The following CSMD1 variants were observed in gnomAD, a reference collection of about 807,000 sequenced individuals.
CSMD1 encodes the protein CUB and Sushi multiple domains 1.
In CSMD1, 213 loss-of-function variants were observed where a neutral mutation model predicts 417.5. The observed-to-expected ratio is 0.51, with a 90% confidence interval of 0.46 to 0.57. The LOEUF is 0.57. Ranked by LOEUF, CSMD1 falls within the 20% of genes least tolerant of loss-of-function variation. The pLI is 0.00. For synonymous variants in CSMD1, 2,862 were observed against 1,736.8 expected (o/e 1.65, Z -16.11); for missense variants, 6,923 against 4,529.7 (o/e 1.53, Z -15.17).
intron 25 of CSMD1, among the ~76,000 whole-genome samples, chr8:3,298,841 G>A (rs965173039): frequency 6.6e-6 from 1 of 152,176 alleles, no homozygotes; most frequent in Non-Finnish European, 1.5e-5. Context: ...TTTGAATAGA[G>A]CTCAAAGGTC....
chr8:4,812,429 G>A (rs1462817064), intron 1 of CSMD1, among the ~76,000 whole-genome samples: 8 of 152,116 alleles, frequency 5.3e-5, no homozygotes, highest in Admixed American at 3.9e-4. Flanking sequence ...CAATTTCTAA[G>A]TAGGTAAAAA....
intron 11 of CSMD1, among the ~76,000 whole-genome samples, chr8:3,473,833 A>G (rs2117209899): frequency 6.6e-6 from 1 of 152,320 alleles, no homozygotes; most frequent in South Asian, 2.1e-4. Context: ...AAGGAGATTT[A>G]ACTGACTCGT....
intron 2 of CSMD1, among the ~76,000 whole-genome samples, chr8:4,514,487 G>A (rs979541916): frequency 7.9e-5 from 12 of 152,078 alleles, no homozygotes; most frequent in Non-Finnish European, 1.3e-4. Flanking sequence ...TCCAGGTGAC[G>A]CACACATGGG....
intron 1 of CSMD1, among the ~76,000 whole-genome samples, chr8:4,745,301 A>G (rs1444259402): frequency 6.6e-6 from 1 of 152,174 alleles, no homozygotes; most frequent in Non-Finnish European, 1.5e-5. Context: ...TTGCAGCCTA[A>G]TGGATTACAC....
At chr8:4,278,684 G>C (rs963082192) in intron 3 of CSMD1, among the ~76,000 whole-genome samples, 3 of 152,094 alleles carry the variant, frequency 2.0e-5, no homozygotes, top group African/African-American at 7.2e-5. Context: ...ACAGTCTATA[G>C]CCACTTAAAT....
At chr8:3,999,453 C>A (rs766157296) in intron 4 of CSMD1, among the ~76,000 whole-genome samples, 3 of 152,140 alleles carry the variant, frequency 2.0e-5, no homozygotes, top group Admixed American at 6.5e-5. Context: ...CAGCGATGTT[C>A]GTTTTATTTT....
At chr8:3,448,468 T>A (rs889134734) in intron 12 of CSMD1, among the ~76,000 whole-genome samples, 3 of 69,244 alleles carry the variant, frequency 4.3e-5, no homozygotes, top group African/African-American at 6.3e-5. Context: ...AAAGAAGAGA[T>A]GTTCTTGCTG....
chr8:4,242,304 G>C lies in CSMD1; in HGVS notation c.415+177649C>G, dbSNP rs115980286. Among the ~76,000 whole-genome samples, 281 of 152,236 alleles carry C rather than the reference G, an allele frequency of 1.8e-3. 1 individual carries two copies. Among genetic ancestry groups the C allele is most frequent in the African/African-American group, 6.4e-3 (266 of 41,526 alleles). On this transcript the variant is annotated intron_variant, in intron 3 of 69. Transcript: ENST00000635120. ...TGAAGGGCAGACTGGAAAATTCATA[G>C]TAGTGTAATTACAAGTGATTAGTAA...
intron 5 of CSMD1, among the ~76,000 whole-genome samples, chr8:3,832,810 A>T (rs958096315): frequency 1.3e-5 from 2 of 152,194 alleles, no homozygotes; most frequent in African/African-American, 4.8e-5. Context: ...TCGCCTTATT[A>T]AAAATAAAAT....
intron 39 of CSMD1, among the ~76,000 whole-genome samples, chr8:3,152,791 C>T (rs938010738): frequency 2.6e-5 from 4 of 152,196 alleles, no homozygotes; most frequent in Non-Finnish European, 4.4e-5. Context: ...TAGGCATTTG[C>T]AAGGCCAGGC....
intron 18 of CSMD1, among the ~76,000 whole-genome samples, chr8:3,386,846 C>G (rs943661383): frequency 2.0e-5 from 3 of 152,044 alleles, no homozygotes; most frequent in Non-Finnish European, 4.4e-5. Flanking sequence ...GTTTTTTTGG[C>G]AAATGATTAC....
chr8:4,021,490 C>T (rs1052509244), intron 4 of CSMD1, among the ~76,000 whole-genome samples: 5 of 152,270 alleles, frequency 3.3e-5, no homozygotes, highest in Admixed American at 2.0e-4. Context: ...GTTGAATCCG[C>T]TACATCCCCA....
intron 21 of CSMD1, among the ~76,000 whole-genome samples, chr8:3,357,446 C>T (rs1436341730): frequency 1.3e-5 from 2 of 152,240 alleles, no homozygotes; most frequent in African/African-American, 4.8e-5. Flanking sequence ...GAGCCTGAAG[C>T]AGTGCCTAGT....
rs192114562 is a variant in CSMD1, at chr8:4,093,794, C to G, written c.416-61695G>C. 2.3e-3 allele frequency among the ~76,000 whole-genome samples: 353 copies of G among 152,178 alleles called. 1 individual carries two copies. Among genetic ancestry groups the G allele is most frequent in the Non-Finnish European group, 4.1e-3 (278 of 68,008 alleles). ...TGGCCAACATGGTGAAATCCCATAT[C>G]TACTAAAAATACAAAAAGTAGCTGG... On this transcript the variant is annotated intron_variant, in intron 3 of 69. Coordinates refer to ENST00000635120, the MANE Select transcript of CSMD1 (RefSeq NM_033225.6).
At chr8:4,861,038 C>G (rs774265699) in intron 1 of CSMD1, among the ~76,000 whole-genome samples, 1 of 152,102 alleles carries the variant, frequency 6.6e-6, no homozygotes, top group Non-Finnish European at 1.5e-5. Context: ...TTATCTATGT[C>G]TCCTTTTCCT....
chr8:3,657,704 G>C (rs190325155), intron 7 of CSMD1, among the ~76,000 whole-genome samples: 6 of 152,238 alleles, frequency 3.9e-5, no homozygotes, highest in Non-Finnish European at 5.9e-5. Context: ...AGTGGGTAGG[G>C]GGCTAGGGGA....
At chr8:4,931,780 G>T (rs1271971660) in intron 1 of CSMD1, among the ~76,000 whole-genome samples, 2 of 152,180 alleles carry the variant, frequency 1.3e-5, no homozygotes, top group Non-Finnish European at 2.9e-5. Flanking sequence ...AGAAAGGGTG[G>T]TGAGGCTCAG....
intron 3 of CSMD1, among the ~76,000 whole-genome samples, chr8:4,212,812 C>G (rs911173465): frequency 6.7e-5 from 9 of 135,164 alleles, no homozygotes; most frequent in Non-Finnish European, 1.2e-4. Context: ...TTTTACCAGC[C>G]AGTTCATGGA....
intron 10 of CSMD1, among the ~76,000 whole-genome samples, chr8:3,505,481 G>T (rs7015377): frequency 0.7 from 106,499 of 152,084 alleles, 37,594 homozygotes; most frequent in East Asian, 0.95. Context: ...GAGTTGAGAA[G>T]GAAGATAAAA....
Sources: allele counts gnomAD v4.1 joint callset (sites outside exome capture counted in the v4.1 genomes callset), GRCh38; gene constraint gnomAD v4.1.1; transcripts MANE v1.5; gene names NCBI Gene and HGNC (gene_info 2026-07-23, HGNC 2026-07-21).